Variants in GRIK4 observed in about 807,000 individuals in gnomAD.
GRIK4 encodes glutamate ionotropic receptor kainate type subunit 4, also known as glutamate receptor ionotropic, kainate 4.
A neutral mutation model predicts 104.9 loss-of-function variants in GRIK4; 40 were observed. That is an observed-to-expected ratio of 0.38 (90% confidence interval 0.30 to 0.50). GRIK4 has a LOEUF of 0.50. Ranked by LOEUF, GRIK4 falls within the 20% of genes least tolerant of loss-of-function variation. The pLI, the probability that GRIK4 is intolerant of heterozygous loss-of-function variation, is 0.93. For synonymous variants in GRIK4, 485 were observed against 524.9 expected (o/e 0.92, Z 1.04); for missense variants, 1,047 against 1,308.1 (o/e 0.80, Z 3.08).
intron 5 of GRIK4, among the ~76,000 whole-genome samples, chr11:120,817,015 CTG>C (rs1952978441): frequency 6.6e-6 from 1 of 152,310 alleles, no homozygotes; most frequent in East Asian, 1.9e-4. Flanking sequence ...TTGCGGCACT[CTG>C]AGAAACAGCT....
At position 120,902,248 on chromosome 11, in the gene GRIK4, C is replaced by A. The variant is rs993063764; in HGVS notation, c.1273-3042C>A. ...CCCTGAACACCTTTTCTGTATCAGA[C>A]CCCGTGTTCAGCGGTTTGCCACATT... On this transcript the variant is annotated intron_variant, in intron 12 of 20. Coordinates refer to ENST00000527524, the MANE Select transcript of GRIK4 (RefSeq NM_014619.5). This position sits in a 1 kb window ranked among gnomAD's most constrained non-coding sequence, Gnocchi z 4.5. Among the ~76,000 whole-genome samples the A allele has an allele frequency of 6.6e-6, 1 of 152,114 alleles. No individual in the cohort carries two copies. The highest frequency in any genetic ancestry group is 1.5e-5 in the Non-Finnish European group (1 of 68,020).
chr11:120,712,188 C>A (rs1334713132), intron 3 of GRIK4, among the ~76,000 whole-genome samples: 1 of 152,220 alleles, frequency 6.6e-6, no homozygotes, highest in Non-Finnish European at 1.5e-5. Flanking sequence ...GGCACCCAGC[C>A]TGCCCTTGGG....
At chr11:120,759,917 T>C (rs1195133415) in intron 3 of GRIK4, among the ~76,000 whole-genome samples, 1 of 152,164 alleles carries the variant, frequency 6.6e-6, no homozygotes, top group African/African-American at 2.4e-5. Context: ...AGATGGTTGC[T>C]ATAGTGAAGC....
intron 19 of GRIK4, among the ~76,000 whole-genome samples, chr11:120,969,188 CAATT>C (rs986626911): frequency 7.4e-4 from 113 of 152,174 alleles, no homozygotes; most frequent in African/African-American, 2.5e-3. Context: ...GGTTAGCAAA[CAATT>C]CTTGACACTT....
rs371633070 is a variant in GRIK4 at position 120,809,393 on chromosome 11, G to A, written c.248-5985G>A. On this transcript the variant is annotated intron_variant, in intron 4 of 20. Coordinates refer to ENST00000527524, the MANE Select transcript of GRIK4 (RefSeq NM_014619.5). ...CAAACTGCTCAGAGGGCCGAGGCCT[G>A]CAGAATCAGCATGCAGGGGTTCCAG... Among the ~76,000 whole-genome samples, 10 of 152,330 alleles carry A rather than the reference G, an allele frequency of 6.6e-5. No individual in the cohort carries two copies. In the East Asian group the frequency reaches 7.7e-4, roughly 12 times the overall value.
At chr11:120,527,501 C>G (rs1947870094) in intron 1 of GRIK4, among the ~76,000 whole-genome samples, 1 of 152,240 alleles carries the variant, frequency 6.6e-6, no homozygotes, top group Admixed American at 6.5e-5. Context: ...CAAGTTCCCT[C>G]CTGCCTTCCT....
chr11:120,696,981 A>G (rs941001897), intron 3 of GRIK4, among the ~76,000 whole-genome samples: 1 of 152,128 alleles, frequency 6.6e-6, no homozygotes, highest in African/African-American at 2.4e-5. Context: ...GCCCTTATTC[A>G]GTGTCCTCGT....
At chr11:120,966,457 C>T (rs541599612) in intron 18 of GRIK4, among the ~76,000 whole-genome samples, 4 of 152,300 alleles carry the variant, frequency 2.6e-5, no homozygotes, top group African/African-American at 7.2e-5. Context: ...ACTGCACCTC[C>T]GTCTCCCAGG....
intron 3 of GRIK4, among the ~76,000 whole-genome samples, chr11:120,683,235 G>A (rs1211175263): frequency 2.6e-5 from 4 of 152,258 alleles, no homozygotes; most frequent in South Asian, 2.1e-4. Context: ...TTGGCTTGGA[G>A]GGTAACAATG....
intron 11 of GRIK4, among the ~76,000 whole-genome samples, chr11:120,898,027 A>C (rs1942633314): frequency 1.3e-5 from 2 of 152,318 alleles, no homozygotes; most frequent in Non-Finnish European, 2.9e-5. Flanking sequence ...CTAATAAATG[A>C]GTCCATCTGG....
chr11:120,547,363 A>G (rs2252356), intron 1 of GRIK4, among the ~76,000 whole-genome samples: 114,128 of 152,226 alleles, frequency 0.75, 43,048 homozygotes, highest in African/African-American at 0.81. Flanking sequence ...GACCTCAGCC[A>G]GTGGGCGAGT....
chr11:120,614,500 G>A (rs1008831508), intron 1 of GRIK4, among the ~76,000 whole-genome samples: 4 of 152,126 alleles, frequency 2.6e-5, no homozygotes, highest in South Asian at 4.2e-4. Context: ...CCGGATCAGC[G>A]AGTGTGAGAG....
chr11:120,538,956 A>T (rs1012296802), intron 1 of GRIK4, among the ~76,000 whole-genome samples: 4 of 152,204 alleles, frequency 2.6e-5, no homozygotes, highest in African/African-American at 9.6e-5. Flanking sequence ...TTCACTCTCC[A>T]GGTTGGGAAA....
At chr11:120,566,968 ATTTT>A (rs572433053) in intron 1 of GRIK4, among the ~76,000 whole-genome samples, 4 of 99,708 alleles carry the variant, frequency 4.0e-5, no homozygotes, top group African/African-American at 4.9e-5. Flanking sequence ...CGGCCTCCTA[ATTTT>A]TTTTTTTTTT....
intron 1 of GRIK4, among the ~76,000 whole-genome samples, chr11:120,543,547 C>T (rs921883311): frequency 1.3e-5 from 2 of 152,146 alleles, no homozygotes; most frequent in Non-Finnish European, 2.9e-5. Flanking sequence ...TGCACTCCAG[C>T]CTAGGTGACA....
intron 3 of GRIK4, among the ~76,000 whole-genome samples, chr11:120,710,031 T>G (rs965040581): frequency 6.6e-6 from 1 of 152,192 alleles, no homozygotes; most frequent in Non-Finnish European, 1.5e-5. Flanking sequence ...ATAACCAGAA[T>G]GCTGTACCTT....
intron 19 of GRIK4, among the ~76,000 whole-genome samples, chr11:120,973,601 T>A (rs902865586): frequency 3.9e-5 from 6 of 152,204 alleles, no homozygotes; most frequent in African/African-American, 1.4e-4. Flanking sequence ...TGCAAATCAC[T>A]CTGAAAGCCA....
intron 3 of GRIK4, among the ~76,000 whole-genome samples, chr11:120,775,141 C>G (rs1422567282): frequency 6.6e-6 from 1 of 152,160 alleles, no homozygotes; most frequent in Non-Finnish European, 1.5e-5. Context: ...AACATGGCTC[C>G]TTCTTGTCCA....
intron 1 of GRIK4, among the ~76,000 whole-genome samples, chr11:120,605,177 T>C (rs902938390): frequency 9.2e-5 from 14 of 152,218 alleles, no homozygotes; most frequent in African/African-American, 3.1e-4. Flanking sequence ...GTGATACTGA[T>C]GACTGGCCAA....
Sources: gnomAD v4.1 joint callset for allele counts (sites outside exome capture counted in the v4.1 genomes callset) on GRCh38, gnomAD v4.1.1 for gene constraint, Gnocchi (gnomAD v3.1) non-coding constraint, MANE v1.5 for transcripts, NCBI Gene and HGNC (gene_info 2026-07-23, HGNC 2026-07-21) for gene names.